HMCN1: variants seen among roughly 807,000 people sequenced by gnomAD.
The protein encoded by HMCN1 is hemicentin 1, also known as hemicentin-1.
Under a neutral mutation model 625.9 loss-of-function variants are expected in HMCN1, and 321 were observed. The observed-to-expected ratio is 0.51, with a 90% CI of 0.47 to 0.56. The LOEUF (loss-of-function observed/expected upper bound fraction) is 0.56, where lower values mean the gene tolerates loss of function less well. Among genes scored for constraint, HMCN1 ranks in the 20% least tolerant of loss-of-function variants. HMCN1 has a pLI of 0.00. For synonymous variants in HMCN1, 2,425 were observed against 2,417.6 expected (o/e 1.00, Z -0.09); for missense variants, 6,588 against 6,887.3 (o/e 0.96, Z 1.54).
Position 186,062,586 on chromosome 1 carries a change from C to T in HMCN1, c.7499C>T (p.Thr2500Ile), listed in dbSNP as rs376810057. The change falls in exon 48 of 107, where the codon ACT (threonine) becomes ATT (isoleucine). Residue 2500 changes from threonine to isoleucine, a missense_variant. Around this residue, in one of 3 missense-constraint regions of HMCN1, gnomAD observed 4,628 missense variants for 4,853.1 expected, o/e 0.95. Transcript: ENST00000271588. ...AAAGAGAAACAGAGTGTTACGCTGA[C>T]TTGTGAAGTGACAGGTATGGGCTCA... Reference protein sequence around the residue: ...KVKEKQSVTLTCEVTGNPVPE... With the variant: ...KVKEKQSVTLICEVTGNPVPE... The T allele has an allele frequency of 7.1e-5, 115 of 1,610,202 alleles. No homozygotes were observed. The highest frequency in any genetic ancestry group is 6.7e-5 in the Admixed American group (4 of 59,956).
chr1:185,938,344 A>G (rs1013351151), intron 11 of HMCN1, among the ~76,000 whole-genome samples: 2 of 152,228 alleles, frequency 1.3e-5, no homozygotes, highest in Admixed American at 1.3e-4. Context: ...CTCATTCCCC[A>G]TAAGCATATG....
At chr1:186,117,390 AG>A in intron 76 of HMCN1, 68 bp from the exon 77 acceptor site, 3 of 1,540,564 alleles carry the variant, frequency 1.9e-6, no homozygotes, top group Non-Finnish European at 2.7e-6. Flanking sequence ...ATGTATGATA[AG>A]TCTTTGGAAA....
intron 11 of HMCN1, among the ~76,000 whole-genome samples, chr1:185,950,166 G>A (rs1252763904): frequency 1.2e-4 from 18 of 151,440 alleles, no homozygotes; most frequent in Non-Finnish European, 2.5e-4. Flanking sequence ...GAATAATGTG[G>A]GAGGCCGGAT....
rs574109104 is a variant in HMCN1, at chr1:186,070,552, G to T, written c.7994-60G>T. 7.1e-6 allele frequency: 10 copies of T among 1,403,844 alleles called. No homozygotes were observed. In the African/African-American group the frequency reaches 1.4e-4, roughly 20 times the overall value. 87.0% of individuals were successfully genotyped at this position (1,403,844 alleles called of 1,614,324 possible). A position where few individuals can be genotyped will look rare whatever the true frequency, so the allele number is the denominator to read the frequency against. ...ATAAGTAATCCTCAGTGTGATTTCT[G>T]TGGTATTCCATGTATTGAAAATAAC... On this transcript the variant is annotated intron_variant, in intron 51 of 106. Coordinates refer to ENST00000271588, the MANE Select transcript of HMCN1 (RefSeq NM_031935.3).
chr1:186,065,143 T>C (rs1658024287), intron 48 of HMCN1, 95 bp from the exon 49 acceptor site: 2 of 901,742 alleles, frequency 2.2e-6, no homozygotes, highest in Admixed American at 2.0e-5. Context: ...ACATGGGATA[T>C]GTAGGAAGAC....
At chr1:186,080,256 G>C (rs908167242) in intron 55 of HMCN1, among the ~76,000 whole-genome samples, 1 of 152,108 alleles carries the variant, frequency 6.6e-6, no homozygotes, top group Non-Finnish European at 1.5e-5. Context: ...TTTCAGTTTA[G>C]TTGTTGGAAA....
intron 1 of HMCN1, among the ~76,000 whole-genome samples, chr1:185,788,299 T>A (rs1305391626): frequency 6.6e-6 from 1 of 152,336 alleles, no homozygotes; most frequent in African/African-American, 2.4e-5. Flanking sequence ...TACATACATA[T>A]GTAAGGTGTT....
rs1427941387 is a variant in HMCN1, at chr1:186,088,199, A to G, written c.9500A>G (p.Asn3167Ser). 1.9e-6 allele frequency: 3 copies of G among 1,612,824 alleles called. No individual in the cohort carries two copies. Among genetic ancestry groups the G allele is most frequent in the Non-Finnish European group, 2.5e-6 (3 of 1,179,336 alleles). The change falls in exon 62 of 107, where the codon AAT becomes AGT. Residue 3167 changes from asparagine (N) to serine (S), a missense_variant. Coordinates refer to ENST00000271588, the MANE Select transcript of HMCN1 (RefSeq NM_031935.3). ...EREVIVETIS[N>S]PVTLTCDATG... ...GAAGTGATTGTGGAGACGATCAGCAATCCTGTGACATTAACATGTGATGCC... is the reference window on the plus strand; with the variant it reads ...GAAGTGATTGTGGAGACGATCAGCAGTCCTGTGACATTAACATGTGATGCC...
intron 86 of HMCN1, among the ~76,000 whole-genome samples, chr1:186,132,954 C>T (rs1479357971): frequency 6.6e-6 from 1 of 152,102 alleles, no homozygotes; most frequent in Non-Finnish European, 1.5e-5. Flanking sequence ...ATCCATGTCC[C>T]TACAAAGGAC....
rs183146223 is a variant in HMCN1 at position 185,927,115 on chromosome 1, C to G, written c.1431-1431C>G. On this transcript the variant is annotated intron_variant, in intron 9 of 106. Coordinates refer to ENST00000271588, the MANE Select transcript of HMCN1 (RefSeq NM_031935.3). ...CTCATTTTTAAAAAGGGATTCAGAA[C>G]CCAAAGAATCGTCAGTTTCTGTTCT... Among the ~76,000 whole-genome samples the G allele has an allele frequency of 9.3e-4, 141 of 152,260 alleles. 1 individual carries two copies. Among genetic ancestry groups the G allele is most frequent in the East Asian group, 1.3e-3 (7 of 5,186 alleles).
In HMCN1 at chr1:186,087,296, C is replaced by T. The variant is rs778099815; in HGVS notation, c.9126C>T (p.Gly3042=). 4.1e-5 allele frequency: 66 copies of T among 1,612,868 alleles called. No individual in the cohort carries two copies. Among genetic ancestry groups the T allele is most frequent in the African/African-American group, 5.3e-5 (4 of 74,818 alleles). Residue 3042 remains glycine, a synonymous_variant, in exon 59 of 107, where the codon GGC becomes GGT. Coordinates refer to ENST00000271588, the MANE Select transcript of HMCN1 (RefSeq NM_031935.3). ...CTTGTATAGCTATCAATCAAGCTGG[C>T]GAAAGCAAGAAAAAGTTTTCCCTGA... is the stretch of plus-strand genomic sequence containing the variant. ...EYTCIAINQA[G]ESKKKFSLTV...
chr1:185,780,929 G>C (rs2102172903), intron 1 of HMCN1, among the ~76,000 whole-genome samples: 1 of 152,302 alleles, frequency 6.6e-6, no homozygotes, highest in East Asian at 1.9e-4. Context: ...AATGGTACCA[G>C]CTCCTCGTTG....
chr1:185,904,468 A>G (rs778291433), intron 4 of HMCN1, among the ~76,000 whole-genome samples: 3 of 151,908 alleles, frequency 2.0e-5, no homozygotes, highest in South Asian at 2.1e-4. Flanking sequence ...TGATAAAAAT[A>G]TACAGCTAAT....
At position 186,000,092 on chromosome 1, in the gene HMCN1, A is replaced by C. The variant is rs1327768403; in HGVS notation, c.3922A>C (p.Thr1308Pro). 6.2e-7 allele frequency: 1 copy of C among 1,613,140 alleles called. No individual in the cohort carries two copies. The highest frequency in any genetic ancestry group is 8.5e-7 in the Non-Finnish European group (1 of 1,179,344). Reference protein sequence around the residue: ...IKWLHNGRELTGREPGISILE... With the variant: ...IKWLHNGRELPGREPGISILE... Reference sequence around the variant, plus strand: ...ATGGTTACACAATGGTAGAGAGTTGACAGGCAGAGAGCCTGGCATTTCTAT... The same window carrying C: ...ATGGTTACACAATGGTAGAGAGTTGCCAGGCAGAGAGCCTGGCATTTCTAT... Residue 1308 changes from threonine (T) to proline (P), a missense_variant, in exon 26 of 107, where the codon ACA (threonine) becomes CCA (proline). Around this residue, in one of 3 missense-constraint regions of HMCN1, gnomAD observed 4,628 missense variants for 4,853.1 expected, o/e 0.95. Coordinates refer to ENST00000271588, the MANE Select transcript of HMCN1 (RefSeq NM_031935.3).
Position 185,977,843 on chromosome 1 carries a change from G to A in HMCN1, c.2428G>A (p.Val810Met). 1.2e-6 allele frequency: 2 copies of A among 1,613,206 alleles called. No individual in the cohort carries two copies. Among genetic ancestry groups the A allele is most frequent in the Non-Finnish European group, 1.7e-6 (2 of 1,179,422 alleles). ...ADVSMEIGSN[V>M]TLPCYVQGYP... is the part of the protein sequence containing the mutation. ...TGTGTCTATGGAAATTGGCTCAAAT[G>A]TGACATTACCTTGTTATGTTCAGGG... Residue 810 changes from valine to methionine, a missense_variant, in exon 16 of 107, where the codon GTG (valine) becomes ATG (methionine). Val to Met is a conservative substitution (Grantham distance 21, BLOSUM62 1). Transcript: ENST00000271588.
chr1:186,073,248 G>C (rs1229910924), intron 52 of HMCN1, among the ~76,000 whole-genome samples: 2 of 152,118 alleles, frequency 1.3e-5, no homozygotes, highest in African/African-American at 4.8e-5. Flanking sequence ...TACTGATCAG[G>C]TAAAATAAGT....
At chr1:185,954,815 T>C (rs565185703) in intron 11 of HMCN1, among the ~76,000 whole-genome samples, 1 of 152,250 alleles carries the variant, frequency 6.6e-6, no homozygotes, top group East Asian at 1.9e-4. Flanking sequence ...TAACAATATA[T>C]CAATTTTTTA....
In HMCN1 at chr1:186,121,753, G is replaced by A. The variant is rs561483725; in HGVS notation, c.12230-1198G>A. Among the ~76,000 whole-genome samples the A allele has an allele frequency of 1.7e-4, 26 of 152,210 alleles. 1 individual carries two copies. Among genetic ancestry groups the A allele is most frequent in the Admixed American group, 3.9e-4 (6 of 15,278 alleles). ...AGATAAAAATTTGGAAATAATCAGC[G>A]TTAAACCCACAAGACTGGATAAGAT... On this transcript the variant is annotated intron_variant, in intron 80 of 106. Coordinates refer to ENST00000271588, the MANE Select transcript of HMCN1 (RefSeq NM_031935.3).
intron 2 of HMCN1, among the ~76,000 whole-genome samples, chr1:185,851,537 C>G (rs759913358): frequency 6.6e-5 from 10 of 152,172 alleles, no homozygotes; most frequent in Non-Finnish European, 1.2e-4. Flanking sequence ...AGAGAAGTAA[C>G]TTGAAAACAA....
Sources: allele counts gnomAD v4.1 joint callset (sites outside exome capture counted in the v4.1 genomes callset), GRCh38; gene constraint gnomAD v4.1.1; regional missense constraint gnomAD v4.1.1; transcripts MANE v1.5; gene names NCBI Gene and HGNC (gene_info 2026-07-23, HGNC 2026-07-21).